Variants in ZNF366 observed in about 807,000 individuals in gnomAD.
ZNF366 encodes the protein zinc finger protein 366.
In ZNF366, 20 loss-of-function variants were observed where a neutral mutation model predicts 47.2. That is an observed-to-expected ratio of 0.42 (90% CI 0.30 to 0.62). ZNF366 has a LOEUF of 0.62. Among genes scored for constraint, ZNF366 ranks in the 20% least tolerant of loss-of-function variants. The pLI is 0.16. For missense variants in ZNF366, 987 were observed against 976.3 expected, an observed-to-expected ratio of 1.01 and a Z score of -0.15; for synonymous variants, 421 against 395.1, an observed-to-expected ratio of 1.07 and a Z score of -0.78.
chr5:72,497,037 C>T (rs1210441193), intron 1 of ZNF366, among the ~76,000 whole-genome samples: 2 of 152,112 alleles, frequency 1.3e-5, no homozygotes, highest in African/African-American at 4.8e-5. Context: ...ATTCTTAAAA[C>T]AAGTCCTTTA....
intron 1 of ZNF366, among the ~76,000 whole-genome samples, chr5:72,492,357 A>G (rs1744029911): frequency 6.6e-6 from 1 of 152,216 alleles, no homozygotes; most frequent in Admixed American, 6.5e-5. Context: ...ACTAGCTGCT[A>G]TCATCACTAT....
chr5:72,499,094 T>C (rs1744162529), intron 1 of ZNF366, among the ~76,000 whole-genome samples: 1 of 152,248 alleles, frequency 6.6e-6, no homozygotes, highest in South Asian at 2.1e-4. Context: ...GATGCAGTTT[T>C]GAGCAGAACT....
intron 1 of ZNF366, among the ~76,000 whole-genome samples, chr5:72,470,650 T>G (rs1471100557): frequency 1.3e-5 from 2 of 152,234 alleles, no homozygotes; most frequent in African/African-American, 4.8e-5. Flanking sequence ...GAAATTTACT[T>G]GACAAATAAC....
At chr5:72,484,617 T>C (rs1306791297) in intron 1 of ZNF366, among the ~76,000 whole-genome samples, 2 of 152,208 alleles carry the variant, frequency 1.3e-5, no homozygotes, top group Non-Finnish European at 2.9e-5. Context: ...CAGTTCACTA[T>C]TGAACTAGTC....
Position 72,507,399 on chromosome 5 carries a change from C to T in ZNF366, c.-163G>A, listed in dbSNP as rs1022550300. ...CTCGCAGGGACAGTGTTTCGAATGA[C>T]TTAAGAAAGAGAACAGGAACAATAC... On this transcript the variant is annotated 5_prime_UTR_variant, in exon 1 of 5. Coordinates refer to ENST00000318442, the MANE Select transcript of ZNF366 (RefSeq NM_152625.3). 7 of 985,130 alleles carry T rather than the reference C, an allele frequency of 7.1e-6. No individual in the cohort carries two copies. Among genetic ancestry groups the T allele is most frequent in the Non-Finnish European group, 4.8e-6 (4 of 829,930 alleles). 61.0% of individuals were successfully genotyped at this position (985,130 alleles called of 1,614,324 possible).
At chr5:72,446,729 A>G (rs1464740882) in intron 4 of ZNF366, among the ~76,000 whole-genome samples, 3 of 152,238 alleles carry the variant, frequency 2.0e-5, no homozygotes, top group Non-Finnish European at 2.9e-5. Flanking sequence ...ACTTCTGCTA[A>G]CAGTAAGGCT....
intron 1 of ZNF366, among the ~76,000 whole-genome samples, chr5:72,502,086 G>A (rs1580257063): frequency 6.6e-6 from 1 of 151,908 alleles, no homozygotes; most frequent in South Asian, 2.1e-4. Context: ...TATAAAGATA[G>A]CATCTTTCAT....
chr5:72,499,575 T>A (rs1180398101), intron 1 of ZNF366, among the ~76,000 whole-genome samples: 1 of 143,742 alleles, frequency 7.0e-6, no homozygotes, highest in Non-Finnish European at 1.5e-5. Context: ...ACCCTAAAAA[T>A]GTTCAATATA....
intron 1 of ZNF366, among the ~76,000 whole-genome samples, chr5:72,503,007 C>T (rs898062731): frequency 1.1e-4 from 16 of 152,130 alleles, no homozygotes; most frequent in South Asian, 8.3e-4. Flanking sequence ...CAGCTGTGAT[C>T]GCAGCTACTC....
intron 3 of ZNF366, among the ~76,000 whole-genome samples, chr5:72,453,665 G>A (rs1743123470): frequency 1.3e-5 from 2 of 152,198 alleles, no homozygotes; most frequent in Non-Finnish European, 2.9e-5. Context: ...ACCCAGACAT[G>A]CTCTGCAAGT....
chr5:72,457,032 G>A (rs1429325101), intron 2 of ZNF366, among the ~76,000 whole-genome samples: 3 of 152,044 alleles, frequency 2.0e-5, no homozygotes, highest in Middle Eastern at 3.2e-3. Context: ...GTTCTCTTGG[G>A]TTCTCATTAA....
intron 1 of ZNF366, among the ~76,000 whole-genome samples, chr5:72,498,112 C>T (rs886932528): frequency 1.3e-5 from 2 of 151,842 alleles, no homozygotes; most frequent in African/African-American, 4.8e-5. Context: ...TAGAAAGGCC[C>T]TTCCTACTCT....
intron 1 of ZNF366, among the ~76,000 whole-genome samples, chr5:72,473,098 T>C (rs1422528309): frequency 1.3e-5 from 2 of 152,230 alleles, no homozygotes; most frequent in African/African-American, 4.8e-5. Context: ...TTAACATTTG[T>C]AAGTGATGGA....
chr5:72,502,197 G>T (rs2112359105), intron 1 of ZNF366, among the ~76,000 whole-genome samples: 1 of 152,288 alleles, frequency 6.6e-6, no homozygotes, highest in South Asian at 2.1e-4. Context: ...GACAGCAGTG[G>T]ACAAAACAAA....
rs1339282995 is a variant in ZNF366, at chr5:72,461,411, A to G, written c.86T>C (p.Leu29Pro). Residue 29 changes from leucine (L) to proline (P), a missense_variant, in exon 2 of 5, where the codon CTG (leucine) becomes CCG (proline). This residue lies in a region of ZNF366 where 591 missense variants were observed against 560.9 expected (regional missense o/e 1.05). Coordinates refer to ENST00000318442, the MANE Select transcript of ZNF366 (RefSeq NM_152625.3). ...CTTTCCCCGAGAAGCCACTGGCTGC[A>G]GGCAGTGGGGAAAGGAGGGGGTCTT... ...VKKTPSFPHCLQPVASRGKAP... is the reference protein window; with the variant it reads ...VKKTPSFPHCPQPVASRGKAP... 3.1e-6 allele frequency: 5 copies of G among 1,612,998 alleles called. No individual in the cohort carries two copies. The highest frequency in any genetic ancestry group is 1.1e-5 in the South Asian group (1 of 91,064).
At chr5:72,481,912 T>C (rs771320244) in intron 1 of ZNF366, among the ~76,000 whole-genome samples, 1 of 152,130 alleles carries the variant, frequency 6.6e-6, no homozygotes, top group Non-Finnish European at 1.5e-5. Context: ...TGGGAAAGGG[T>C]TTCTGATATC....
intron 1 of ZNF366, among the ~76,000 whole-genome samples, chr5:72,477,977 C>G (rs1020843009): frequency 1.3e-5 from 2 of 151,670 alleles, no homozygotes; most frequent in African/African-American, 4.8e-5. Flanking sequence ...GTTGAGCCCA[C>G]TTATATAATG....
intron 1 of ZNF366, among the ~76,000 whole-genome samples, chr5:72,486,820 G>A (rs1165361227): frequency 6.6e-6 from 1 of 151,830 alleles, no homozygotes; most frequent in African/African-American, 2.4e-5. Flanking sequence ...CTGTCACCTA[G>A]GCTGGAGTGC....
intron 3 of ZNF366, among the ~76,000 whole-genome samples, chr5:72,450,231 C>T (rs185246442): frequency 9.2e-5 from 14 of 152,334 alleles, no homozygotes; most frequent in African/African-American, 3.4e-4. Context: ...AAGGTAACTA[C>T]TATTGTGACA....
Sources: gnomAD v4.1 joint callset for allele counts (sites outside exome capture counted in the v4.1 genomes callset) on GRCh38, gnomAD v4.1.1 for gene constraint, gnomAD v4.1.1 regional missense constraint, MANE v1.5 for transcripts, NCBI Gene and HGNC (gene_info 2026-07-23, HGNC 2026-07-21) for gene names.